CSF2RA: variants seen among roughly 807,000 people sequenced by gnomAD.
CSF2RA encodes granulocyte-macrophage colony-stimulating factor receptor subunit alpha.
A neutral mutation model predicts 51.6 loss-of-function variants in CSF2RA; 42 were observed. The ratio of observed to expected loss-of-function variants is 0.81; its 90% confidence interval spans 0.64 to 1.05. The LOEUF (loss-of-function observed/expected upper bound fraction) is 1.05. Ranked by LOEUF, CSF2RA falls within the 50% of genes least tolerant of loss-of-function variation. The pLI is 0.00. For missense variants in CSF2RA, 530 were observed against 501.1 expected (o/e 1.06, Z -0.55); for synonymous variants, 222 against 193.0 (o/e 1.15, Z -1.24).
the CSF2RA span, among the ~76,000 whole-genome samples, chrX:1,323,817 A>G: frequency 6.6e-6 from 1 of 151,290 alleles, no homozygotes; most frequent in African/African-American, 2.4e-5. Flanking sequence ...GATCGAAACC[A>G]TCCTGGCTAA....
chrX:1,295,407 G>C lies in CSF2RA; in HGVS notation c.781-20G>C. On this transcript the variant is annotated intron_variant, in intron 8 of 12. Transcript: ENST00000381529. ...AAATGGAAACAGTGAGCCTTGTGTT[G>C]TGTTTTGTTTTGTTTCTAGAATACC... 2 of 1,613,478 alleles carry C rather than the reference G, an allele frequency of 1.2e-6. No homozygotes were observed. Among genetic ancestry groups the C allele is most frequent in the South Asian group, 1.1e-5 (1 of 91,076 alleles).
rs112690759 is a variant in CSF2RA at position 1,307,411 on chromosome X, C to T, written c.1125+1884C>T. Among the ~76,000 whole-genome samples, 603 of 126,876 alleles carry T rather than the reference C, an allele frequency of 4.8e-3. 12 individuals are homozygous for T. Among genetic ancestry groups the T allele is most frequent in the African/African-American group, 0.017 (546 of 32,518 alleles). The allele number at this position is 126,876 out of a possible 152,430, so 83.2% of individuals were successfully genotyped here. ...ATTCCCCTTTAGACCTTCGACTGAT[C>T]AGATGAAGCCCACCCTTCCCCTTTA... On this transcript the variant is annotated intron_variant, in intron 12 of 12. Transcript: ENST00000381529.
chrX:1,305,018 G>T (rs188627741), intron 11 of CSF2RA, among the ~76,000 whole-genome samples: 2,087 of 133,322 alleles, frequency 0.016, 58 homozygotes, highest in African/African-American at 0.057. Flanking sequence ...TTTTGAGATG[G>T]AGTCTCACTC....
intron 6 of CSF2RA, among the ~76,000 whole-genome samples, chrX:1,289,427 C>A (rs1432923243): frequency 1.3e-5 from 2 of 152,148 alleles, no homozygotes; most frequent in African/African-American, 4.8e-5. Flanking sequence ...CTGCACCTGG[C>A]CTGTTTTTTT....
chrX:1,301,912 CTTT>C (rs1158872719), intron 10 of CSF2RA, among the ~76,000 whole-genome samples: 17,353 of 103,046 alleles, frequency 0.17, 1,285 homozygotes, highest in Non-Finnish European at 0.19. Flanking sequence ...GGCCCTCCCT[CTTT>C]TTTTTTTTTT....
chrX:1,290,226 TTG>T (rs2091272410), intron 6 of CSF2RA, 109 bp from the exon 7 acceptor site: 1 of 887,334 alleles, frequency 1.1e-6, no homozygotes, highest in South Asian at 1.5e-5. Context: ...TTTTGTGTTT[TTG>T]TGTTTTGTGT....
downstream of CSF2RA, among the ~76,000 whole-genome samples, chrX:1,314,018 T>A (rs770710025): frequency 2.4e-4 from 36 of 151,768 alleles, no homozygotes; most frequent in African/African-American, 2.9e-4. Flanking sequence ...AAAATAAAAT[T>A]AAATTAAAAT....
downstream of CSF2RA, among the ~76,000 whole-genome samples, chrX:1,311,344 C>T (rs1159007363): frequency 6.6e-6 from 1 of 152,066 alleles, no homozygotes; most frequent in Non-Finnish European, 1.5e-5. Context: ...CCCTTCCTCT[C>T]CCACCAGGAG....
At chrX:1,304,666 T>TTTG (rs761439425) in intron 11 of CSF2RA, among the ~76,000 whole-genome samples, 6,333 of 150,450 alleles carry the variant, frequency 0.042, 179 homozygotes, top group Non-Finnish European at 0.064. Context: ...TTGTTTGTTT[T>TTTG]TTTGTTTTTT....
chrX:1,296,229 C>A (rs1270110036), intron 9 of CSF2RA, among the ~76,000 whole-genome samples: 3 of 151,336 alleles, frequency 2.0e-5, no homozygotes, highest in East Asian at 3.9e-4. Flanking sequence ...TGGCGGAACC[C>A]TACACTCCCC....
chrX:1,312,392 G>A (rs1430344563), downstream of CSF2RA, among the ~76,000 whole-genome samples: 1 of 152,098 alleles, frequency 6.6e-6, no homozygotes, highest in Non-Finnish European at 1.5e-5. Flanking sequence ...ACATGCTGGG[G>A]GCCATTATTC....
At chrX:1,270,815 G>A (rs1255324759) in intron 1 of CSF2RA, among the ~76,000 whole-genome samples, 6 of 150,046 alleles carry the variant, frequency 4.0e-5, no homozygotes, top group Non-Finnish European at 7.4e-5. Context: ...TGAGGTGGGC[G>A]GATCACCTGA....
intron 10 of CSF2RA, 81 bp from the exon 11 acceptor site, chrX:1,303,842 T>G: frequency 8.3e-7 from 1 of 1,206,332 alleles, no homozygotes; most frequent in Non-Finnish European, 1.2e-6. Flanking sequence ...CTAAATGCAT[T>G]TGGACACCCG....
the CSF2RA span, among the ~76,000 whole-genome samples, chrX:1,321,253 A>C: frequency 6.6e-6 from 1 of 151,908 alleles, no homozygotes; most frequent in African/African-American, 2.4e-5. Context: ...GTGGATCACG[A>C]GGTCAGGAGA....
Position 1,290,428 on chromosome X carries a change from C to T in CSF2RA, c.565C>T (p.Arg189Cys), listed in dbSNP as rs141694686. Reference sequence around the variant, plus strand: ...GGATAACCTGTCAGGATTAACGTCTCGCAATTACTTTCTGGTTAACGGAAC... The same window carrying T: ...GGATAACCTGTCAGGATTAACGTCTTGCAATTACTTTCTGGTTAACGGAAC... ...HLDNLSGLTS[R>C]NYFLVNGTSR... The change falls in exon 7 of 13, where the codon CGC becomes TGC. Residue 189 changes from arginine to cysteine, a missense_variant. By Grantham distance (180) the Arg-to-Cys change is radical (BLOSUM62 -3). Transcript: ENST00000381529. 6.9e-5 allele frequency: 112 copies of T among 1,613,668 alleles called. No homozygotes were observed. Among genetic ancestry groups the T allele is most frequent in the South Asian group, 3.7e-4 (34 of 91,076 alleles).
intron 11 of CSF2RA, among the ~76,000 whole-genome samples, chrX:1,305,021 T>G (rs1428047576): frequency 1.4e-5 from 2 of 141,510 alleles, no homozygotes; most frequent in African/African-American, 2.6e-5. Context: ...TGAGATGGAG[T>G]CTCACTCTGT....
downstream of CSF2RA, among the ~76,000 whole-genome samples, chrX:1,314,801 ACCTGCCCAACCCCACTGTG>A (rs2084452408): frequency 4.1e-5 from 3 of 72,898 alleles, no homozygotes; most frequent in Admixed American, 2.9e-4. Context: ...ATCCCACTGC[ACCTGCCCAACCCCACTGTG>A]CCTGCCCAAC....
the CSF2RA span, among the ~76,000 whole-genome samples, chrX:1,324,840 G>C: frequency 6.6e-6 from 1 of 152,062 alleles, no homozygotes; most frequent in Admixed American, 6.6e-5. Context: ...CGGAGGTGCA[G>C]ACTCTGAGGA....
Position 1,269,036 on chromosome X carries a change from C to G in CSF2RA, c.-91+157C>G, listed in dbSNP as rs28361439. Among the ~76,000 whole-genome samples, 594 of 152,096 alleles carry G rather than the reference C, an allele frequency of 3.9e-3. 6 individuals carry two copies. Among genetic ancestry groups the G allele is most frequent in the African/African-American group, 0.014 (561 of 41,514 alleles). ...GAAGTGGGGACAGCGGCCCAGAAGA[C>G]TGAGAGCCAAGGAACCTTGCATATG... is the stretch of plus-strand genomic sequence containing the variant. On this transcript the variant is annotated intron_variant, in intron 1 of 12. Transcript: ENST00000381529.
Sources: allele counts gnomAD v4.1 joint callset (sites outside exome capture counted in the v4.1 genomes callset), GRCh38; gene constraint gnomAD v4.1.1; transcripts MANE v1.5; gene names NCBI Gene and HGNC (gene_info 2026-07-23, HGNC 2026-07-21).